The following TMEM242 variants were observed in gnomAD, a reference collection of about 807,000 sequenced individuals.
TMEM242 encodes the protein UPF0463 transmembrane protein C6orf35.
A neutral mutation model predicts 18.2 loss-of-function variants in TMEM242; 10 were observed. The observed-to-expected ratio is 0.55, with a 90% CI of 0.34 to 0.93. The LOEUF (loss-of-function observed/expected upper bound fraction) is 0.93. TMEM242 is among the 40% of genes least tolerant of loss of function. The pLI is 0.02. For missense variants in TMEM242, 186 were observed against 175.5 expected, an observed-to-expected ratio of 1.06 and a Z score of -0.34; for synonymous variants, 57 against 69.9, an observed-to-expected ratio of 0.81 and a Z score of 0.92.
chr6:157,311,630 CT>C (rs1778108193), intron 3 of TMEM242, among the ~76,000 whole-genome samples: 1 of 133,452 alleles, frequency 7.5e-6, no homozygotes. Flanking sequence ...GTGCGCTCAC[CT>C]GGCCTCATCA....
intron 3 of TMEM242, among the ~76,000 whole-genome samples, chr6:157,310,701 AGTGCCCCAGT>A (rs1554248401): frequency 6.6e-6 from 1 of 152,056 alleles, no homozygotes; most frequent in African/African-American, 2.4e-5. Context: ...GCCTCATCAT[AGTGCCCCAGT>A]GTGCACTCAG....
chr6:157,309,565 T>A (rs1478999004), intron 3 of TMEM242, among the ~76,000 whole-genome samples: 1 of 152,018 alleles, frequency 6.6e-6, no homozygotes, highest in Non-Finnish European at 1.5e-5. Flanking sequence ...ATTTTTAAAA[T>A]TTTTTTGTAA....
At chr6:157,306,525 T>C (rs782521847) in intron 3 of TMEM242, among the ~76,000 whole-genome samples, 6 of 151,990 alleles carry the variant, frequency 3.9e-5, no homozygotes, top group Admixed American at 6.5e-5. Context: ...TGGGGACAAA[T>C]GACAGTTCAC....
At chr6:157,313,783 C>T (rs368913351) in intron 3 of TMEM242, among the ~76,000 whole-genome samples, 4,563 of 138,636 alleles carry the variant, frequency 0.033, 83 homozygotes, top group Admixed American at 0.047. Flanking sequence ...ATCATAGTGT[C>T]CCAGTGTGCG....
chr6:157,314,368 A>AC (rs1778344406), intron 3 of TMEM242, among the ~76,000 whole-genome samples: 4 of 11,434 alleles, frequency 3.5e-4, no homozygotes, highest in African/African-American at 2.2e-3. Flanking sequence ...CCCAGCATGC[A>AC]TTCCCATGAT....
intron 3 of TMEM242, among the ~76,000 whole-genome samples, chr6:157,303,795 G>T (rs782172428): frequency 6.7e-6 from 1 of 149,384 alleles, no homozygotes; most frequent in African/African-American, 2.5e-5. Flanking sequence ...TAAATTAGTG[G>T]GCTCTAATTC....
rs1777665475 is a variant in TMEM242, at chr6:157,290,057, T to A, written c.*2844A>T. ...TGACTCTGAATATAACAGCAGCCTA[T>A]GGACTCCTTTTCACAGGGCAGCAGC... On this transcript the variant is annotated 3_prime_UTR_variant, in exon 4 of 4. Transcript: ENST00000400788. 6.6e-6 allele frequency: 1 copy of A among 152,272 alleles called. No individual in the cohort carries two copies. Among genetic ancestry groups the A allele is most frequent in the African/African-American group, 2.4e-5 (1 of 41,464 alleles). 9.4% of individuals were successfully genotyped at this position (152,272 alleles called of 1,614,324 possible). A position where few individuals can be genotyped will look rare whatever the true frequency, so the allele number is the denominator to read the frequency against.
chr6:157,294,351 T>C lies in TMEM242; in HGVS notation c.328-1352A>G, dbSNP rs868960237. On this transcript the variant is annotated intron_variant, in intron 3 of 3. Transcript: ENST00000400788. ...TATGCAACATGCAAGTCATTTCTTT[T>C]TTTTTTTTTTTTTTTTTGAGACGGA... 3.1e-3 allele frequency among the ~76,000 whole-genome samples: 449 copies of C among 145,724 alleles called. 2 individuals are homozygous for C. Among genetic ancestry groups the C allele is most frequent in the African/African-American group, 1.0e-2 (390 of 39,146 alleles).
In TMEM242 at chr6:157,290,840, T is replaced by C. The variant is rs1777675142; in HGVS notation, c.*2061A>G. On this transcript the variant is annotated 3_prime_UTR_variant, in exon 4 of 4. Transcript: ENST00000400788. ...CCCTCTGCAGGGGATTCATCATCAT[T>C]CTAATGGGAGTTCCCCTGCCATCGG... 6.6e-6 allele frequency: 1 copy of C among 152,246 alleles called. No homozygotes were observed. The highest frequency in any genetic ancestry group is 1.5e-5 in the Non-Finnish European group (1 of 68,046). 9.4% of individuals were successfully genotyped at this position (152,246 alleles called of 1,614,324 possible). A position where few individuals can be genotyped will look rare whatever the true frequency, so the allele number is the denominator to read the frequency against.
intron 3 of TMEM242, among the ~76,000 whole-genome samples, chr6:157,315,507 GT>G (rs1309680176): frequency 6.6e-6 from 1 of 152,160 alleles, no homozygotes; most frequent in Non-Finnish European, 1.5e-5. Context: ...TGCATATGCA[GT>G]CTCTCTTTTT....
chr6:157,297,785 G>T (rs587655011), intron 3 of TMEM242, among the ~76,000 whole-genome samples: 1 of 152,288 alleles, frequency 6.6e-6, no homozygotes, highest in Non-Finnish European at 1.5e-5. Flanking sequence ...TGGATCCTGA[G>T]ATGAAATGTA....
intron 3 of TMEM242, among the ~76,000 whole-genome samples, chr6:157,312,978 G>A (rs369746766): frequency 0.03 from 68 of 2,298 alleles, no homozygotes; most frequent in African/African-American, 0.072. Context: ...CTCAGTGTGC[G>A]CTCACCTAGC....
In TMEM242 at chr6:157,322,689, T is replaced by C; in HGVS notation, c.189+16A>G. The C allele has an allele frequency of 6.3e-7, 1 of 1,599,884 alleles. No individual in the cohort carries two copies. The highest frequency in any genetic ancestry group is 8.5e-7 in the Non-Finnish European group (1 of 1,172,028). On this transcript the variant is annotated intron_variant, in intron 2 of 3. Coordinates refer to ENST00000400788, the MANE Select transcript of TMEM242 (RefSeq NM_018452.6). ...AAACAATAACAATGCTATGAATGGA[T>C]TTCAGTGTCACCAACCTTATTGAAC...
At chr6:157,301,611 C>G (rs1440213932) in intron 3 of TMEM242, among the ~76,000 whole-genome samples, 1 of 152,178 alleles carries the variant, frequency 6.6e-6, no homozygotes, top group South Asian at 2.1e-4. Flanking sequence ...CGCGCCTGGC[C>G]GAAAAGCTAT....
At chr6:157,301,901 C>T (rs898669983) in intron 3 of TMEM242, among the ~76,000 whole-genome samples, 2 of 152,078 alleles carry the variant, frequency 1.3e-5, no homozygotes, top group African/African-American at 4.8e-5. Context: ...CACTGCACTC[C>T]AGCCTGGGCG....
chr6:157,309,559 T>G (rs1777964147), intron 3 of TMEM242, among the ~76,000 whole-genome samples: 1 of 152,048 alleles, frequency 6.6e-6, no homozygotes, highest in Non-Finnish European at 1.5e-5. Flanking sequence ...TGGCTAATTT[T>G]TAAAATTTTT....
At chr6:157,310,278 C>A (rs1171754404) in intron 3 of TMEM242, among the ~76,000 whole-genome samples, 1 of 149,706 alleles carries the variant, frequency 6.7e-6, no homozygotes, top group Admixed American at 6.7e-5. Context: ...GGAATTGCCA[C>A]TTAGTACAAG....
chr6:157,297,481 T>A (rs1777766395), intron 3 of TMEM242, among the ~76,000 whole-genome samples: 1 of 152,230 alleles, frequency 6.6e-6, no homozygotes, highest in African/African-American at 2.4e-5. Context: ...ATTCCGCAGC[T>A]GAGCTCTCAA....
intron 3 of TMEM242, among the ~76,000 whole-genome samples, chr6:157,300,808 G>C (rs1293177936): frequency 2.0e-5 from 3 of 152,134 alleles, no homozygotes; most frequent in Non-Finnish European, 4.4e-5. Context: ...TGTGCGTCCC[G>C]AAGAAAAACG....
Sources: gnomAD v4.1 joint callset for allele counts (sites outside exome capture counted in the v4.1 genomes callset) on GRCh38, gnomAD v4.1.1 for gene constraint, MANE v1.5 for transcripts, NCBI Gene and HGNC (gene_info 2026-07-23, HGNC 2026-07-21) for gene names.